The following MAPKAPK5 variants were observed in gnomAD, a reference collection of about 807,000 sequenced individuals.
The protein encoded by MAPKAPK5 is MAPK activated protein kinase 5.
A neutral mutation model predicts 65.1 loss-of-function variants in MAPKAPK5; 30 were observed. That is an observed-to-expected ratio of 0.46 (90% CI 0.34 to 0.63). The LOEUF (loss-of-function observed/expected upper bound fraction) is 0.63. MAPKAPK5 is among the 20% of genes least tolerant of loss of function. The pLI is 0.01. For missense variants in MAPKAPK5, 433 were observed against 581.4 expected (o/e 0.74, Z 2.63); for synonymous variants, 179 against 204.6 (o/e 0.87, Z 1.07).
At chr12:111,844,785 C>T (rs564800483) in intron 1 of MAPKAPK5, among the ~76,000 whole-genome samples, 2 of 152,258 alleles carry the variant, frequency 1.3e-5, no homozygotes, top group South Asian at 2.1e-4. Context: ...GATGGAAATG[C>T]GAGAGCAAGC....
intron 1 of MAPKAPK5, among the ~76,000 whole-genome samples, chr12:111,846,194 T>C (rs1357803727): frequency 6.6e-6 from 1 of 152,202 alleles, no homozygotes; most frequent in African/African-American, 2.4e-5. Context: ...TTACATCAAA[T>C]AAAAAACATT....
chr12:111,866,274 T>A, intron 3 of MAPKAPK5, 43 bp downstream of exon 3: 1 of 1,534,338 alleles, frequency 6.5e-7, no homozygotes, highest in Non-Finnish European at 8.9e-7. Flanking sequence ...TTGAAGTGCC[T>A]AAGAATTGTT....
chr12:111,842,440 G>A lies in MAPKAPK5; in HGVS notation c.-294G>A, dbSNP rs991425479. On this transcript the variant is annotated 5_prime_UTR_variant, in exon 1 of 14. Transcript: ENST00000550735. Reference sequence around the variant, plus strand: ...CCCTCCCCGCCTCGCCCTACCCCAGGAGCCTGCCTCCCCAGCTGGGGATGA... The same window carrying A: ...CCCTCCCCGCCTCGCCCTACCCCAGAAGCCTGCCTCCCCAGCTGGGGATGA... 1.1e-5 allele frequency: 3 copies of A among 268,556 alleles called. No homozygotes were observed. Among genetic ancestry groups the A allele is most frequent in the African/African-American group, 2.2e-5 (1 of 44,932 alleles). The allele number at this position is 268,556 out of a possible 1,614,324, so 16.6% of individuals were successfully genotyped here. A position where few individuals can be genotyped will look rare whatever the true frequency, so the allele number is the denominator to read the frequency against.
rs75586211 is a variant in MAPKAPK5 at position 111,868,708 on chromosome 12, CTTTTTTT to C, written c.285-37_285-31del. The C allele has an allele frequency of 2.3e-6, 3 of 1,282,784 alleles. No individual in the cohort carries two copies. In the African/African-American group the frequency reaches 4.8e-5, roughly 20 times the overall value. The allele number at this position is 1,282,784 out of a possible 1,614,324, so 79.5% of individuals were successfully genotyped here. Reference sequence around the variant, plus strand: ...GTTTCAGGGTTTTTTGTTTCTTTTTCTTTTTTTTTTTTTTAACTTAACAAAATCAAAT... The same window carrying C: ...GTTTCAGGGTTTTTTGTTTCTTTTTCTTTTTTTAACTTAACAAAATCAAAT... On this transcript the variant is annotated intron_variant, in intron 4 of 13. Coordinates refer to ENST00000550735, the MANE Select transcript of MAPKAPK5 (RefSeq NM_003668.4).
intron 1 of MAPKAPK5, among the ~76,000 whole-genome samples, chr12:111,848,596 A>T (rs919152497): frequency 2.0e-5 from 3 of 146,562 alleles, no homozygotes; most frequent in African/African-American, 7.6e-5. Context: ...GTATTTTAGT[A>T]GAGATGGGGT....
At chr12:111,880,626 C>T (rs1362966842) in intron 8 of MAPKAPK5, 99 bp downstream of exon 8, 3 of 990,228 alleles carry the variant, frequency 3.0e-6, no homozygotes, top group Non-Finnish European at 4.7e-6. Flanking sequence ...TCCTTTCTCA[C>T]CCCTTAATAT....
intron 2 of MAPKAPK5, 74 bp from the exon 3 acceptor site, chr12:111,866,082 A>G: frequency 2.4e-6 from 3 of 1,232,140 alleles, no homozygotes; most frequent in Non-Finnish European, 2.3e-6. Flanking sequence ...ACAAATCTCA[A>G]AGAAAAAGCT....
intron 1 of MAPKAPK5, among the ~76,000 whole-genome samples, chr12:111,860,476 G>C (rs1475045645): frequency 6.6e-6 from 1 of 152,198 alleles, no homozygotes; most frequent in Non-Finnish European, 1.5e-5. Context: ...AACTGCCAAA[G>C]CTGTTCATTT....
At chr12:111,843,638 G>A (rs2068807264) in intron 1 of MAPKAPK5, among the ~76,000 whole-genome samples, 1 of 152,124 alleles carries the variant, frequency 6.6e-6, no homozygotes, top group Non-Finnish European at 1.5e-5. Context: ...TTGGCAGCTT[G>A]GGGTTATTTT....
rs1191415863 is a variant in MAPKAPK5 at position 111,896,579 on chromosome 12, T to G, written c.*3518T>G. 6.6e-6 allele frequency: 1 copy of G among 152,220 alleles called. No individual in the cohort carries two copies. The highest frequency in any genetic ancestry group is 1.9e-4 in the East Asian group (1 of 5,204). 9.4% of individuals were successfully genotyped at this position (152,220 alleles called of 1,614,324 possible). A position where few individuals can be genotyped will look rare whatever the true frequency, so the allele number is the denominator to read the frequency against. ...GAAGTGAAACGATATCTTTCTCATA[T>G]TTTTTGGCCTAACAAACACCTATAC... On this transcript the variant is annotated 3_prime_UTR_variant, in exon 14 of 14. Coordinates refer to ENST00000550735, the MANE Select transcript of MAPKAPK5 (RefSeq NM_003668.4).
intron 10 of MAPKAPK5, among the ~76,000 whole-genome samples, chr12:111,887,306 G>A (rs2070435822): frequency 6.6e-6 from 1 of 152,122 alleles, no homozygotes; most frequent in African/African-American, 2.4e-5. Flanking sequence ...AAATGGTTTG[G>A]TCATTCAAAA....
At chr12:111,861,415 G>A (rs985480687) in intron 1 of MAPKAPK5, among the ~76,000 whole-genome samples, 2 of 151,634 alleles carry the variant, frequency 1.3e-5, no homozygotes, top group East Asian at 3.9e-4. Flanking sequence ...TGCAACCTCC[G>A]CCTCCCAGGC....
chr12:111,883,592 G>T lies in MAPKAPK5; in HGVS notation c.672G>T (p.Leu224Phe), dbSNP rs1285147385. The T allele has an allele frequency of 2.5e-6, 4 of 1,611,916 alleles. No individual in the cohort carries two copies. The highest frequency in any genetic ancestry group is 2.7e-5 in the African/African-American group (2 of 74,816). Residue 224 changes from leucine to phenylalanine, a missense_variant, in exon 9 of 14, where the codon TTG becomes TTT. Transcript: ENST00000550735. This position sits in a 1 kb window ranked among gnomAD's most constrained non-coding sequence, Gnocchi z 4.8. ...TPYTYNKSCD[L>F]WSLGVIIYVM... Reference sequence around the variant, plus strand: ...TTTTTTGCTTTCAGAGCTGTGACTTGTGGTCCCTAGGGGTGATTATCTATG... The same window carrying T: ...TTTTTTGCTTTCAGAGCTGTGACTTTTGGTCCCTAGGGGTGATTATCTATG...
intron 1 of MAPKAPK5, among the ~76,000 whole-genome samples, chr12:111,856,409 C>CT (rs1241020966): frequency 0.2 from 25,650 of 129,512 alleles, 2,687 homozygotes; most frequent in Middle Eastern, 0.28. Flanking sequence ...TTTTTTCTTT[C>CT]TTTTTTTTTT....
chr12:111,875,052 C>T (rs930631500), intron 7 of MAPKAPK5, among the ~76,000 whole-genome samples: 3 of 152,164 alleles, frequency 2.0e-5, no homozygotes, highest in African/African-American at 4.8e-5. Flanking sequence ...GCTGAGATTA[C>T]AGGCGTGAGC....
chr12:111,852,764 C>G (rs2069123773), intron 1 of MAPKAPK5, among the ~76,000 whole-genome samples: 2 of 152,012 alleles, frequency 1.3e-5, no homozygotes, highest in African/African-American at 2.4e-5. Context: ...ATAAATCTTG[C>G]CTTTTGATAA....
At chr12:111,882,249 G>T (rs1192161597) in intron 8 of MAPKAPK5, among the ~76,000 whole-genome samples, 1 of 152,148 alleles carries the variant, frequency 6.6e-6, no homozygotes, top group Non-Finnish European at 1.5e-5. Context: ...GTGTGGTGGC[G>T]GGCGCCTGTA....
At position 111,901,488 on chromosome 12, in the gene MAPKAPK5, C is replaced by G. The variant is rs1187433756; in HGVS notation, c.*8427C>G. The G allele has an allele frequency of 1.1e-5, 5 of 438,318 alleles. No individual in the cohort carries two copies. The highest frequency in any genetic ancestry group is 2.5e-5 in the Admixed American group (1 of 39,458). 27.2% of individuals were successfully genotyped at this position (438,318 alleles called of 1,614,324 possible). On this transcript the variant is annotated 3_prime_UTR_variant, in exon 14 of 14. Coordinates refer to ENST00000550735, the MANE Select transcript of MAPKAPK5 (RefSeq NM_003668.4). The stretch of plus-strand genomic sequence containing the variant: ...CATGATGATATTATCATTCATTATA[C>G]TTTTTATAATATTATTATTAAGTAC...
intron 1 of MAPKAPK5, among the ~76,000 whole-genome samples, chr12:111,846,166 T>C (rs1278152362): frequency 1.3e-5 from 2 of 152,234 alleles, no homozygotes; most frequent in Non-Finnish European, 2.9e-5. Context: ...GATGTACTGC[T>C]TTGGAAGCAA....
Sources: gnomAD v4.1 joint callset for allele counts (sites outside exome capture counted in the v4.1 genomes callset) on GRCh38, gnomAD v4.1.1 for gene constraint, Gnocchi (gnomAD v3.1) non-coding constraint, MANE v1.5 for transcripts, NCBI Gene and HGNC (gene_info 2026-07-23, HGNC 2026-07-21) for gene names.